The following CTNND2 variants were observed in gnomAD, a reference collection of about 807,000 sequenced individuals.
CTNND2 encodes catenin delta 2.
A neutral mutation model predicts 144.4 loss-of-function variants in CTNND2; 22 were observed. The observed-to-expected ratio is 0.15, with a 90% CI of 0.11 to 0.22. CTNND2 has a LOEUF of 0.22. Ranked by LOEUF, CTNND2 falls within the 10% of genes least tolerant of loss-of-function variation. CTNND2 has a pLI of 1.00. For missense variants in CTNND2, 1,353 were observed against 1,618.8 expected (o/e 0.84, Z 2.82); for synonymous variants, 751 against 695.6 (o/e 1.08, Z -1.25).
intron 21 of CTNND2, among the ~76,000 whole-genome samples, chr5:10,977,759 G>A (rs192637623): frequency 6.6e-6 from 1 of 152,316 alleles, no homozygotes; most frequent in Admixed American, 6.5e-5. Flanking sequence ...AGTCAGTTAA[G>A]TCTTAAAGTG....
At chr5:11,199,788 A>G in intron 10 of CTNND2, 127 bp from the exon 11 acceptor site, 1 of 664,992 alleles carries the variant, frequency 1.5e-6, no homozygotes, top group South Asian at 2.0e-5. Context: ...GGCATACAAA[A>G]GGAAACAAGA....
chr5:11,523,336 A>G (rs947621204), intron 3 of CTNND2, among the ~76,000 whole-genome samples: 2 of 152,210 alleles, frequency 1.3e-5, no homozygotes, highest in Admixed American at 6.5e-5. Context: ...TAAAAACTTC[A>G]TATTTTTAAC....
At chr5:11,093,922 C>A (rs1751042880) in intron 15 of CTNND2, among the ~76,000 whole-genome samples, 1 of 152,114 alleles carries the variant, frequency 6.6e-6, no homozygotes, top group Admixed American at 6.5e-5. Flanking sequence ...TTCATCATTG[C>A]TTGGCTTCAT....
At chr5:11,490,479 T>G (rs1233044982) in intron 3 of CTNND2, among the ~76,000 whole-genome samples, 1 of 152,170 alleles carries the variant, frequency 6.6e-6, no homozygotes, top group African/African-American at 2.4e-5. Context: ...ATAAAAGATC[T>G]AAAAGATCCA....
chr5:11,885,798 A>C (rs531758056), intron 1 of CTNND2, among the ~76,000 whole-genome samples: 1 of 152,172 alleles, frequency 6.6e-6, no homozygotes, highest in Non-Finnish European at 1.5e-5. Context: ...GTATCAACAA[A>C]TTTTTAAAAA....
chr5:11,880,893 T>C (rs1448934113), intron 1 of CTNND2, among the ~76,000 whole-genome samples: 2 of 145,662 alleles, frequency 1.4e-5, no homozygotes, highest in Non-Finnish European at 3.0e-5. Context: ...CTACTACTAC[T>C]ACCATTACTA....
intron 5 of CTNND2, among the ~76,000 whole-genome samples, chr5:11,403,266 T>C (rs897890988): frequency 3.3e-5 from 5 of 152,150 alleles, no homozygotes; most frequent in South Asian, 2.1e-4. Flanking sequence ...TGGGTTCTCA[T>C]TGTTCAACTC....
At chr5:11,691,355 G>C (rs1784901719) in intron 2 of CTNND2, among the ~76,000 whole-genome samples, 1 of 150,070 alleles carries the variant, frequency 6.7e-6, no homozygotes, top group South Asian at 2.1e-4. Flanking sequence ...CTGGGCGACA[G>C]AGCGAGACTC....
intron 12 of CTNND2, among the ~76,000 whole-genome samples, chr5:11,145,266 A>G (rs1757134944): frequency 1.3e-5 from 2 of 152,202 alleles, no homozygotes; most frequent in African/African-American, 2.4e-5. Flanking sequence ...AAGCAAAAAA[A>G]TACAGGATGA....
chr5:11,699,624 T>A (rs1236118206), intron 2 of CTNND2, among the ~76,000 whole-genome samples: 1 of 152,050 alleles, frequency 6.6e-6, no homozygotes, highest in Non-Finnish European at 1.5e-5. Flanking sequence ...ATGAAAGGAA[T>A]ATTTAAAGGA....
chr5:11,877,821 C>A (rs968458846), intron 1 of CTNND2, among the ~76,000 whole-genome samples: 6 of 151,996 alleles, frequency 3.9e-5, no homozygotes, highest in Non-Finnish European at 8.8e-5. Flanking sequence ...AAAGACTTTT[C>A]TTTCATTTGG....
chr5:11,538,771 C>A (rs1581442462), intron 3 of CTNND2, among the ~76,000 whole-genome samples: 2 of 152,154 alleles, frequency 1.3e-5, no homozygotes, highest in South Asian at 2.1e-4. Context: ...CTGGATGGAA[C>A]ACTCAGGTCA....
chr5:11,093,089 T>C (rs1016820640), intron 15 of CTNND2, among the ~76,000 whole-genome samples: 1 of 152,246 alleles, frequency 6.6e-6, no homozygotes, highest in East Asian at 1.9e-4. Flanking sequence ...TAGATTAACA[T>C]CCAAGTCTCT....
chr5:11,565,504 T>C (rs1004443718), intron 2 of CTNND2, among the ~76,000 whole-genome samples: 3 of 152,250 alleles, frequency 2.0e-5, no homozygotes, highest in Non-Finnish European at 4.4e-5. Flanking sequence ...AACTCTATAG[T>C]GTTTACTGCT....
intron 2 of CTNND2, 114 bp from the exon 3 acceptor site, chr5:11,565,170 T>G (rs1776977602): frequency 4.1e-6 from 3 of 730,062 alleles, no homozygotes; most frequent in Non-Finnish European, 7.2e-6. Context: ...GATGTCAAAT[T>G]TGAGAAATGT....
intron 1 of CTNND2, among the ~76,000 whole-genome samples, chr5:11,852,723 G>A (rs1795074277): frequency 6.6e-6 from 1 of 152,182 alleles, no homozygotes; most frequent in Non-Finnish European, 1.5e-5. Flanking sequence ...TTTAGAAACA[G>A]AAGTAAGCAG....
intron 1 of CTNND2, among the ~76,000 whole-genome samples, chr5:11,886,109 C>T (rs1206134321): frequency 6.6e-6 from 1 of 151,810 alleles, no homozygotes; most frequent in African/African-American, 2.4e-5. Flanking sequence ...AAATGCACCT[C>T]AAGGAACCAG....
chr5:11,554,886 A>G (rs1776076689), intron 3 of CTNND2, among the ~76,000 whole-genome samples: 2 of 150,322 alleles, frequency 1.3e-5, no homozygotes, highest in African/African-American at 2.4e-5. Flanking sequence ...AATATATACT[A>G]TTTAATGTAC....
intron 3 of CTNND2, among the ~76,000 whole-genome samples, chr5:11,475,956 C>A (rs1767690411): frequency 6.6e-6 from 1 of 151,944 alleles, no homozygotes; most frequent in Non-Finnish European, 1.5e-5. Flanking sequence ...CCTCCCCAGG[C>A]TGAGGTGATC....
Sources: gnomAD v4.1 joint callset for allele counts (sites outside exome capture counted in the v4.1 genomes callset) on GRCh38, gnomAD v4.1.1 for gene constraint, MANE v1.5 for transcripts, NCBI Gene and HGNC (gene_info 2026-07-23, HGNC 2026-07-21) for gene names.